Variants in DCC observed in about 807,000 individuals in gnomAD.
DCC encodes the protein DCC netrin 1 receptor.
Under a neutral mutation model 172.5 loss-of-function variants are expected in DCC, and 58 were observed. That is an observed-to-expected ratio of 0.34 (90% CI 0.27 to 0.42). The LOEUF (loss-of-function observed/expected upper bound fraction) is 0.42. DCC is among the 10% of genes least tolerant of loss of function. The pLI is 1.00. For missense variants in DCC, 1,740 were observed against 1,791.0 expected (o/e 0.97, Z 0.51); for synonymous variants, 709 against 644.5 (o/e 1.10, Z -1.52).
chr18:53,354,792 G>C (rs369774434), intron 15 of DCC, among the ~76,000 whole-genome samples: 3 of 88,688 alleles, frequency 3.4e-5, no homozygotes, highest in African/African-American at 1.4e-4. Flanking sequence ...TTTGGCTTTT[G>C]TTGCCAATGG....
intron 21 of DCC, among the ~76,000 whole-genome samples, chr18:53,431,333 A>G (rs1015771670): frequency 6.6e-6 from 1 of 151,774 alleles, no homozygotes; most frequent in Non-Finnish European, 1.5e-5. Context: ...TTAAGTGAAA[A>G]TCAATTAATT....
chr18:53,245,464 G>T (rs1423652047), intron 12 of DCC, among the ~76,000 whole-genome samples: 1 of 152,076 alleles, frequency 6.6e-6, no homozygotes, highest in Non-Finnish European at 1.5e-5. Context: ...GTATCCATGA[G>T]CTTATGTTGG....
intron 1 of DCC, among the ~76,000 whole-genome samples, chr18:52,661,144 A>C (rs2035351161): frequency 6.6e-6 from 1 of 152,188 alleles, no homozygotes; most frequent in African/African-American, 2.4e-5. Context: ...GTGGGGAACA[A>C]ATAACTACAA....
intron 5 of DCC, among the ~76,000 whole-genome samples, chr18:53,016,591 C>T (rs2041810283): frequency 6.6e-6 from 1 of 151,968 alleles, no homozygotes; most frequent in Non-Finnish European, 1.5e-5. Flanking sequence ...ATATTTGAAA[C>T]TCATGACATA....
chr18:53,478,035 T>TTAAG (rs1243247001), intron 25 of DCC, among the ~76,000 whole-genome samples: 2 of 152,224 alleles, frequency 1.3e-5, no homozygotes. Context: ...ATTTATTGGC[T>TTAAG]TAAGTGCTTT....
intron 2 of DCC, among the ~76,000 whole-genome samples, chr18:52,760,818 C>T (rs2145148041): frequency 6.6e-6 from 1 of 152,058 alleles, no homozygotes; most frequent in African/African-American, 2.4e-5. Flanking sequence ...GTCCTGGAAG[C>T]CAAGTAAATT....
At chr18:53,350,397 C>T (rs974186797) in intron 15 of DCC, among the ~76,000 whole-genome samples, 2 of 152,126 alleles carry the variant, frequency 1.3e-5, no homozygotes, top group African/African-American at 4.8e-5. Flanking sequence ...TAGGTTATTT[C>T]CATGAATACT....
chr18:53,427,512 T>C (rs1356922345), intron 21 of DCC, among the ~76,000 whole-genome samples: 1 of 152,010 alleles, frequency 6.6e-6, no homozygotes, highest in Non-Finnish European at 1.5e-5. Flanking sequence ...GTGTGGAAGG[T>C]TGTGACAAGG....
At chr18:52,815,179 G>A (rs1367098484) in intron 2 of DCC, among the ~76,000 whole-genome samples, 1 of 152,104 alleles carries the variant, frequency 6.6e-6, no homozygotes, top group African/African-American at 2.4e-5. Context: ...GGACTGATTA[G>A]CATCTGTTTA....
At chr18:52,856,283 T>C (rs1005047583) in intron 2 of DCC, among the ~76,000 whole-genome samples, 32 of 152,054 alleles carry the variant, frequency 2.1e-4, no homozygotes, top group Non-Finnish European at 5.9e-5. Flanking sequence ...AGATGTCTTT[T>C]TAAGATGTTT....
chr18:53,451,711 C>CTCTCTCTCTCTCTCTCTCTCTCCA (rs2045415616), intron 23 of DCC, among the ~76,000 whole-genome samples: 1 of 53,028 alleles, frequency 1.9e-5, no homozygotes, highest in African/African-American at 1.5e-4. Context: ...CTCGCTCTTG[C>CTCTCTCTCTCTCTCTCTCTCTCCA]TCTCTCTCTC....
chr18:52,810,702 T>C (rs2145248098), intron 2 of DCC, among the ~76,000 whole-genome samples: 1 of 152,300 alleles, frequency 6.6e-6, no homozygotes, highest in Admixed American at 6.5e-5. Context: ...CATGACAGTG[T>C]AGAAAACCAA....
At chr18:52,523,159 G>T (rs747028229) in intron 1 of DCC, among the ~76,000 whole-genome samples, 4 of 152,148 alleles carry the variant, frequency 2.6e-5, no homozygotes, top group Admixed American at 1.3e-4. Context: ...AGTGTACTGG[G>T]CCTTAGTTTC....
At chr18:53,125,856 G>T (rs2043548508) in intron 7 of DCC, among the ~76,000 whole-genome samples, 1 of 152,128 alleles carries the variant, frequency 6.6e-6, no homozygotes, top group Non-Finnish European at 1.5e-5. Flanking sequence ...AATGGAGTTT[G>T]TGGATAATCT....
intron 1 of DCC, among the ~76,000 whole-genome samples, chr18:52,590,744 T>C (rs1418174057): frequency 6.6e-6 from 1 of 152,286 alleles, no homozygotes; most frequent in Non-Finnish European, 1.5e-5. Flanking sequence ...CACTGATTTC[T>C]GTGCTTAGCA....
chr18:53,376,385 AAAAT>A (rs772817083), intron 15 of DCC, among the ~76,000 whole-genome samples: 5 of 152,178 alleles, frequency 3.3e-5, no homozygotes, highest in Admixed American at 6.5e-5. Context: ...CTGTGTCTCA[AAAAT>A]AAATAAATAA....
At chr18:53,384,849 T>A (rs1469411986) in intron 15 of DCC, among the ~76,000 whole-genome samples, 1 of 151,548 alleles carries the variant, frequency 6.6e-6, no homozygotes, top group Non-Finnish European at 1.5e-5. Flanking sequence ...CCTCAATAAT[T>A]TTTTTTTCTT....
At chr18:53,337,163 A>C (rs1395394816) in intron 14 of DCC, among the ~76,000 whole-genome samples, 1 of 152,246 alleles carries the variant, frequency 6.6e-6, no homozygotes, top group Non-Finnish European at 1.5e-5. Context: ...ATTAAGAAAT[A>C]GTTACTGTTC....
intron 1 of DCC, among the ~76,000 whole-genome samples, chr18:52,462,497 G>A (rs1988662264): frequency 6.6e-6 from 1 of 152,010 alleles, no homozygotes; most frequent in Admixed American, 6.6e-5. Flanking sequence ...TGCCCACAAT[G>A]CTCCTTCCCC....
Sources: gnomAD v4.1 joint callset for allele counts (sites outside exome capture counted in the v4.1 genomes callset) on GRCh38, gnomAD v4.1.1 for gene constraint, MANE v1.5 for transcripts, NCBI Gene and HGNC (gene_info 2026-07-23, HGNC 2026-07-21) for gene names.